The following BCAR3 variants were observed in gnomAD, a reference collection of about 807,000 sequenced individuals.
BCAR3 encodes the protein breast cancer anti-estrogen resistance protein 3.
Under a neutral mutation model 80.1 loss-of-function variants are expected in BCAR3, and 37 were observed. That is an observed-to-expected ratio of 0.46 (90% CI 0.36 to 0.61). The LOEUF (loss-of-function observed/expected upper bound fraction) is 0.61. BCAR3 is among the 20% of genes least tolerant of loss of function. BCAR3 has a pLI of 0.00. For missense variants in BCAR3, 978 were observed against 1,068.2 expected (o/e 0.92, Z 1.18); for synonymous variants, 389 against 418.9 (o/e 0.93, Z 0.87).
chr1:93,571,728 T>A lies in BCAR3; in HGVS notation c.1916A>T (p.Asp639Val). 1.9e-6 allele frequency: 3 copies of A among 1,614,126 alleles called. No homozygotes were observed. The highest frequency in any genetic ancestry group is 2.5e-6 in the Non-Finnish European group (3 of 1,180,014). ...KIIQVAVELK[D>V]SMGDLYSFSA... Reference sequence around the variant, plus strand: ...GAAGGAATAGAGGTCCCCCATGGAATCCTTCAGTTCCACCGCCACCTGGAT... The same window carrying A: ...GAAGGAATAGAGGTCCCCCATGGAAACCTTCAGTTCCACCGCCACCTGGAT... The change falls in exon 9 of 12, where the codon GAT becomes GTT. Residue 639 changes from aspartate to valine, a missense_variant. Transcript: ENST00000260502.
intron 3 of BCAR3, among the ~76,000 whole-genome samples, chr1:93,628,760 T>C (rs1675522145): frequency 6.6e-6 from 1 of 152,240 alleles, no homozygotes; most frequent in Non-Finnish European, 1.5e-5. Flanking sequence ...ACTGTCTTTC[T>C]TATTGTCTTT....
At chr1:93,565,639 T>C (rs2101796636) in intron 11 of BCAR3, among the ~76,000 whole-genome samples, 1 of 152,356 alleles carries the variant, frequency 6.6e-6, no homozygotes, top group South Asian at 2.1e-4. Context: ...ATTCATTGGC[T>C]TTGTCTAAGT....
At chr1:93,715,906 C>T (rs1450086103) in intron 2 of BCAR3, among the ~76,000 whole-genome samples, 2 of 152,188 alleles carry the variant, frequency 1.3e-5, no homozygotes, top group African/African-American at 2.4e-5. Context: ...GTTTGAGTAG[C>T]GCTCAGCCAG....
At chr1:93,799,755 C>G (rs2100786734) in intron 2 of BCAR3, among the ~76,000 whole-genome samples, 1 of 152,260 alleles carries the variant, frequency 6.6e-6, no homozygotes, top group African/African-American at 2.4e-5. Flanking sequence ...CCATCTCAGC[C>G]CTTAATATTT....
intron 3 of BCAR3, among the ~76,000 whole-genome samples, chr1:93,619,413 T>C (rs1293769379): frequency 2.6e-5 from 4 of 152,154 alleles, no homozygotes; most frequent in Admixed American, 6.5e-5. Context: ...ATATACCCCT[T>C]GGAGTCTTAT....
chr1:93,691,132 G>A (rs548835903), intron 3 of BCAR3, among the ~76,000 whole-genome samples: 2 of 152,312 alleles, frequency 1.3e-5, no homozygotes, highest in Admixed American at 6.5e-5. Flanking sequence ...TTACATAGCA[G>A]AGCCAGGACT....
chr1:93,774,805 GA>G (rs772638387), intron 2 of BCAR3, among the ~76,000 whole-genome samples: 3 of 152,202 alleles, frequency 2.0e-5, no homozygotes, highest in Non-Finnish European at 4.4e-5. Context: ...TTGCTGAAGT[GA>G]AATGTATTTG....
At chr1:93,760,210 G>A (rs1428225487) in intron 2 of BCAR3, among the ~76,000 whole-genome samples, 1 of 152,156 alleles carries the variant, frequency 6.6e-6, no homozygotes. Flanking sequence ...TAACCATTCA[G>A]AGAGGTCATC....
At chr1:93,649,870 G>T (rs1423289313) in intron 2 of BCAR3, among the ~76,000 whole-genome samples, 1 of 150,844 alleles carries the variant, frequency 6.6e-6, no homozygotes, top group Non-Finnish European at 1.5e-5. Context: ...GAACTCAACA[G>T]CCAGCACTCT....
chr1:93,661,677 C>T (rs540225619), intron 2 of BCAR3, among the ~76,000 whole-genome samples: 1 of 151,172 alleles, frequency 6.6e-6, no homozygotes, highest in South Asian at 2.1e-4. Context: ...TTAATAGAGA[C>T]GGGGTTTCAC....
chr1:93,657,146 C>G (rs190104824), intron 2 of BCAR3, among the ~76,000 whole-genome samples: 15 of 152,236 alleles, frequency 9.9e-5, no homozygotes. Context: ...AATTCCCAAC[C>G]AACATAAAGA....
At chr1:93,699,090 T>G (rs905703933) in intron 3 of BCAR3, among the ~76,000 whole-genome samples, 1 of 152,136 alleles carries the variant, frequency 6.6e-6, no homozygotes, top group Non-Finnish European at 1.5e-5. Flanking sequence ...CATATTTAAT[T>G]CTCCAACAAC....
chr1:93,760,835 A>T (rs1651914260), intron 2 of BCAR3, among the ~76,000 whole-genome samples: 1 of 152,106 alleles, frequency 6.6e-6, no homozygotes, highest in Non-Finnish European at 1.5e-5. Context: ...TCAGGAGTTC[A>T]TCCCTGGACC....
At chr1:93,662,090 T>C (rs1245011584) in intron 2 of BCAR3, among the ~76,000 whole-genome samples, 2 of 152,242 alleles carry the variant, frequency 1.3e-5, no homozygotes, top group Non-Finnish European at 2.9e-5. Context: ...AGGAGAGGTC[T>C]AAACAGAAGC....
rs1652275507 is a variant in BCAR3 at position 93,769,400 on chromosome 1, TG to T, written c.-62-63259del. The stretch of plus-strand genomic sequence containing the variant: ...GTGTGTGTGTGTGTGTGTGTGTGTG[TG>T]TGTGTGTCAAGGAGCGGGGTGGAGA... On this transcript the variant is annotated intron_variant, in intron 2 of 13. Coordinates refer to the BCAR3 transcript ENST00000370244. Among the ~76,000 whole-genome samples, 3 of 142,028 alleles carry T rather than the reference TG, an allele frequency of 2.1e-5. No homozygotes were observed. In the South Asian group the frequency reaches 6.5e-4, roughly 31 times the overall value. The allele number at this position is 142,028 out of a possible 152,430, so 93.2% of individuals were successfully genotyped here.
intron 2 of BCAR3, among the ~76,000 whole-genome samples, chr1:93,647,367 A>T (rs1676175286): frequency 6.6e-6 from 1 of 152,202 alleles, no homozygotes; most frequent in African/African-American, 2.4e-5. Flanking sequence ...AGAAAAGGTA[A>T]AATGTTCTAG....
intron 2 of BCAR3, among the ~76,000 whole-genome samples, chr1:93,788,768 C>T (rs1484629921): frequency 6.6e-6 from 1 of 152,114 alleles, no homozygotes; most frequent in African/African-American, 2.4e-5. Flanking sequence ...ATTCCTATAA[C>T]TTCATTTTTT....
chr1:93,570,460 G>C (rs1166893833), intron 9 of BCAR3, among the ~76,000 whole-genome samples: 1 of 152,164 alleles, frequency 6.6e-6, no homozygotes, highest in Non-Finnish European at 1.5e-5. Context: ...CTGATCCTCA[G>C]CAATAAAGAT....
At chr1:93,684,626 C>G (rs1014454335), upstream of BCAR3, among the ~76,000 whole-genome samples, 2 of 152,256 alleles carry the variant, frequency 1.3e-5, no homozygotes, top group Non-Finnish European at 2.9e-5. Context: ...GGTTAAGTAA[C>G]TTCAACCATA....
Sources: allele counts gnomAD v4.1 joint callset (sites outside exome capture counted in the v4.1 genomes callset), GRCh38; gene constraint gnomAD v4.1.1; transcripts MANE v1.5; gene names NCBI Gene and HGNC (gene_info 2026-07-23, HGNC 2026-07-21).